Variants in TAOK2 observed in about 807,000 individuals in gnomAD.
TAOK2 encodes serine/threonine-protein kinase TAO2.
Under a neutral mutation model 122.5 loss-of-function variants are expected in TAOK2, and 42 were observed. That is an observed-to-expected ratio of 0.34 (90% confidence interval 0.27 to 0.44). TAOK2 has a LOEUF of 0.44. Among genes scored for constraint, TAOK2 ranks in the 20% least tolerant of loss-of-function variants. The pLI, the probability that TAOK2 is intolerant of heterozygous loss-of-function variation, is 1.00. For missense variants in TAOK2, 1,264 were observed against 1,644.9 expected (o/e 0.77, Z 4.01); for synonymous variants, 704 against 677.6 (o/e 1.04, Z -0.61).
At chr16:29,991,367 G>C, downstream of TAOK2, 4 of 1,588,924 alleles carry the variant, frequency 2.5e-6, no homozygotes, top group Non-Finnish European at 3.4e-6. The surrounding 1 kb of genome is among the most constrained non-coding windows in gnomAD (Gnocchi z 5.6). Context: ...ACTGGCTGGG[G>C]CCCCCCACAC....
chr16:29,982,035 A>G lies in TAOK2; in HGVS notation c.831+95A>G, dbSNP rs2069633784. On this transcript the variant is annotated intron_variant, in intron 10 of 15. Transcript: ENST00000308893. Reference sequence around the variant, plus strand: ...ATTAGTGGTTCCCAGTTCCTCCTCCACCAAGAGCTTCGTTGATGAATTCCC... The same window carrying G: ...ATTAGTGGTTCCCAGTTCCTCCTCCGCCAAGAGCTTCGTTGATGAATTCCC... 4.8e-6 allele frequency: 5 copies of G among 1,048,916 alleles called. No homozygotes were observed. The South Asian group carries it at 5.5e-5, about 11-fold the overall frequency. 65.0% of individuals were successfully genotyped at this position (1,048,916 alleles called of 1,614,324 possible).
chr16:29,989,365 C>T, downstream of TAOK2: 2 of 985,284 alleles, frequency 2.0e-6, no homozygotes, highest in Non-Finnish European at 2.4e-6. Flanking sequence ...TGATCTCTCT[C>T]AACACGATCC....
intron 8 of TAOK2, chr16:29,980,780 T>C (rs60421848): frequency 9.8e-4 from 149 of 152,332 alleles, no homozygotes; most frequent in African/African-American, 3.5e-3. Context: ...CAGAGAAATA[T>C]TACTCTACTA....
Position 29,985,489 on chromosome 16 carries a change from C to G in TAOK2, c.1699C>G (p.His567Asp). The change falls in exon 14 of 16, where the codon CAC becomes GAC. Residue 567 changes from histidine to aspartate, a missense_variant. His to Asp is a moderately conservative substitution (Grantham distance 81, BLOSUM62 -1). This residue lies in a region of TAOK2 where 824 missense variants were observed against 908.7 expected (regional missense o/e 0.91). Coordinates refer to ENST00000308893, the MANE Select transcript of TAOK2 (RefSeq NM_016151.4). The surrounding 1 kb of genome is among the most constrained non-coding windows in gnomAD (Gnocchi z 6.9). ...AQAEERKFQQ[H>D]ILGQQKKELA... ...GGCCGAGGAGCGGAAGTTCCAGCAG[C>G]ACATCCTTGGGCAGCAGAAGAAGGA... is the stretch of plus-strand genomic sequence containing the variant. 1 of 1,613,124 alleles carries G rather than the reference C, an allele frequency of 6.2e-7. No homozygotes were observed. The highest frequency in any genetic ancestry group is 8.5e-7 in the Non-Finnish European group (1 of 1,179,620).
Position 29,982,841 on chromosome 16 carries a change from G to A in TAOK2, c.939G>A (p.Lys313=), listed in dbSNP as rs1229774279. 1 of 1,613,982 alleles carries A rather than the reference G, an allele frequency of 6.2e-7. No homozygotes were observed. The highest frequency in any genetic ancestry group is 8.5e-7 in the Non-Finnish European group (1 of 1,180,004). Reference sequence around the variant, plus strand: ...ACAACCTGCAGTACCGCAAGATGAAGAAGATCCTGTTCCAAGAGGCACCCA... The same window carrying A: ...ACAACCTGCAGTACCGCAAGATGAAAAAGATCCTGTTCCAAGAGGCACCCA... ...ELDNLQYRKM[K]KILFQEAPNG... Residue 313 remains lysine (K), a synonymous_variant, in exon 11 of 16, where the codon AAG becomes AAA. Coordinates refer to ENST00000308893, the MANE Select transcript of TAOK2 (RefSeq NM_016151.4).
In TAOK2 at chr16:29,987,514, T is replaced by C; in HGVS notation, c.3242T>C (p.Ile1081Thr). Residue 1081 changes from isoleucine to threonine, a missense_variant, in exon 16 of 16, where the codon ATA becomes ACA. By Grantham distance (89) the Ile-to-Thr change is moderately conservative. Coordinates refer to ENST00000308893, the MANE Select transcript of TAOK2 (RefSeq NM_016151.4). Reference sequence around the variant, plus strand: ...CAGGGCCCCCGGGTGCGCCGGGGCATATCTCGACTCTGGTTGCGGGTTCTG... The same window carrying C: ...CAGGGCCCCCGGGTGCGCCGGGGCACATCTCGACTCTGGTTGCGGGTTCTG... Reference protein sequence around the residue: ...RQQGPRVRRGISRLWLRVLLR... With the variant: ...RQQGPRVRRGTSRLWLRVLLR... 2 of 1,608,100 alleles carry C rather than the reference T, an allele frequency of 1.2e-6. No individual in the cohort carries two copies.
rs760416360 is a variant in TAOK2, at chr16:29,987,948, C to T, written c.3676C>T (p.Arg1226Cys). ...TCTAGCCGGGCGGAGGTCACGCACC[C>T]GCCAGTCCCGGGCCCTGCCCCCCTG... The part of the protein sequence containing the change: ...GTLAGRRSRT[R>C]QSRALPPWR The change falls in exon 16 of 16, where the codon CGC becomes TGC. Residue 1226 changes from arginine (R) to cysteine (C), a missense_variant. Arg to Cys is a radical substitution (Grantham distance 180, BLOSUM62 -3). This residue lies in a region of TAOK2 where 824 missense variants were observed against 908.7 expected (regional missense o/e 0.91). Coordinates refer to ENST00000308893, the MANE Select transcript of TAOK2 (RefSeq NM_016151.4). 218 of 1,547,994 alleles carry T rather than the reference C, an allele frequency of 1.4e-4. No individual in the cohort carries two copies. The highest frequency in any genetic ancestry group is 4.7e-4 in the African/African-American group (35 of 74,098).
rs2069881855 is a variant in TAOK2 at position 29,988,345 on chromosome 16, C to A, written c.*365C>A. Reference sequence around the variant, plus strand: ...CTCCCTTCCAACCTGTCCCCTTCCCCCCACCAAAAAAAGAAAAAGACAAAC... The same window carrying A: ...CTCCCTTCCAACCTGTCCCCTTCCCACCACCAAAAAAAGAAAAAGACAAAC... On this transcript the variant is annotated 3_prime_UTR_variant, in exon 16 of 16. Coordinates refer to ENST00000308893, the MANE Select transcript of TAOK2 (RefSeq NM_016151.4). 1.4e-6 allele frequency: 2 copies of A among 1,387,576 alleles called. No individual in the cohort carries two copies. The highest frequency in any genetic ancestry group is 1.9e-6 in the Non-Finnish European group (2 of 1,053,026). The allele number at this position is 1,387,576 out of a possible 1,614,324, so 86.0% of individuals were successfully genotyped here.
In TAOK2 at chr16:29,986,659, T is replaced by C; in HGVS notation, c.2387T>C (p.Val796Ala). ...ATGCTTGGCGAGGAGGAGGAAGCAG[T>C]TGGAGAGAGAAGGATTCTGGGAAAG... ...QRMLGEEEEAVGERRILGKEG... is the reference protein window; with the variant it reads ...QRMLGEEEEAAGERRILGKEG... The change falls in exon 16 of 16, where the codon GTT becomes GCT. Residue 796 changes from valine to alanine, a missense_variant. By Grantham distance (64) the Val-to-Ala change is moderately conservative. This residue lies in a region of TAOK2 where 824 missense variants were observed against 908.7 expected (regional missense o/e 0.91). Coordinates refer to ENST00000308893, the MANE Select transcript of TAOK2 (RefSeq NM_016151.4). This position sits in a 1 kb window ranked among gnomAD's most constrained non-coding sequence, Gnocchi z 4.2. The C allele has an allele frequency of 6.2e-7, 1 of 1,612,066 alleles. No individual in the cohort carries two copies. The highest frequency in any genetic ancestry group is 8.5e-7 in the Non-Finnish European group (1 of 1,179,308).
intron 13 of TAOK2, 54 bp downstream of exon 13, chr16:29,983,718 T>C: frequency 1.9e-6 from 3 of 1,565,166 alleles, no homozygotes; most frequent in Non-Finnish European, 2.6e-6. Flanking sequence ...TTAAGTCTTT[T>C]TAAGTCTAGA....
At position 29,985,202 on chromosome 16, in the gene TAOK2, T is replaced by C. The variant is rs1402336720; in HGVS notation, c.1423-11T>C. 8.7e-6 allele frequency: 13 copies of C among 1,496,444 alleles called. No individual in the cohort carries two copies. Among genetic ancestry groups the C allele is most frequent in the Non-Finnish European group, 1.2e-5 (13 of 1,121,984 alleles). The allele number at this position is 1,496,444 out of a possible 1,614,324, so 92.7% of individuals were successfully genotyped here. ...GCTGAGCCCCAGCTCTCACCCTCTC[T>C]CCTTCCCCAGGTCAGCCGTCAGATC... On this transcript the variant is annotated splice_polypyrimidine_tract_variant and intron_variant, in intron 13 of 15. Transcript: ENST00000308893. This position sits in a 1 kb window ranked among gnomAD's most constrained non-coding sequence, Gnocchi z 6.9.
rs766629588 is a variant in TAOK2 at position 29,981,544 on chromosome 16, G to A, written c.656-117G>A. The A allele has an allele frequency of 6.8e-6, 6 of 886,888 alleles. No individual in the cohort carries two copies. In the South Asian group the frequency reaches 6.9e-5, roughly 10 times the overall value. 54.9% of individuals were successfully genotyped at this position (886,888 alleles called of 1,614,324 possible). Reference sequence around the variant, plus strand: ...AACAGGATGATGGGAACTTCTCAAGGTCATGTGGCAAGGAAGTCAAGGAAT... The same window carrying A: ...AACAGGATGATGGGAACTTCTCAAGATCATGTGGCAAGGAAGTCAAGGAAT... On this transcript the variant is annotated intron_variant, in intron 8 of 15. Coordinates refer to ENST00000308893, the MANE Select transcript of TAOK2 (RefSeq NM_016151.4).
downstream of TAOK2, chr16:29,989,940 C>G: frequency 1.3e-6 from 1 of 750,256 alleles, no homozygotes; most frequent in South Asian, 1.8e-5. Flanking sequence ...TCCCTCTGTT[C>G]GTGTTCTCCA....
Position 29,986,495 on chromosome 16 carries a change from G to C in TAOK2, c.2223G>C (p.Lys741Asn). 1 of 1,608,446 alleles carries C rather than the reference G, an allele frequency of 6.2e-7. No individual in the cohort carries two copies. Among genetic ancestry groups the C allele is most frequent in the Non-Finnish European group, 8.5e-7 (1 of 1,177,154 alleles). ...CGGCCCAGGTTCGCCAGCAGCCCAA[G>C]AGCCTCAAAGTACGTGCAGGCCAGC... Reference protein sequence around the residue: ...KHAAQVRQQPKSLKVRAGQRP... With the variant: ...KHAAQVRQQPNSLKVRAGQRP... The change falls in exon 16 of 16, where the codon AAG (lysine) becomes AAC (asparagine). Residue 741 changes from lysine to asparagine, a missense_variant. Around this residue, in one of 4 missense-constraint regions of TAOK2, gnomAD observed 824 missense variants for 908.7 expected, o/e 0.91. Transcript: ENST00000308893. The surrounding 1 kb of genome is among the most constrained non-coding windows in gnomAD (Gnocchi z 4.2).
rs576781794 is a variant in TAOK2 at position 29,977,705 on chromosome 16, T to G, written c.-35-33T>G. On this transcript the variant is annotated intron_variant, in intron 1 of 15. Transcript: ENST00000308893. ...CTTCCTCTCCCTGAAGGCTCAATCC[T>G]TGATCTCTAAGGGTCCCATTTCCAT... The G allele has an allele frequency of 3.5e-5, 56 of 1,583,298 alleles. 1 individual carries two copies. In the African/African-American group the frequency reaches 7.3e-4, roughly 21 times the overall value.
intron 1 of TAOK2, among the ~76,000 whole-genome samples, chr16:29,977,269 T>C (rs1041470938): frequency 6.6e-6 from 1 of 152,164 alleles, no homozygotes; most frequent in African/African-American, 2.4e-5. Context: ...CCTGGCCATT[T>C]CCTGTTCTCT....
In TAOK2 at chr16:29,986,459, G is replaced by T; in HGVS notation, c.2187G>T (p.Arg729=). Residue 729 remains arginine (R), a synonymous_variant, in exon 16 of 16, where the codon CGG becomes CGT. Transcript: ENST00000308893. The surrounding 1 kb of genome is among the most constrained non-coding windows in gnomAD (Gnocchi z 4.2). The part of the protein sequence containing the change: ...EYNKRREQEL[R]QKHAAQVRQQ... The stretch of plus-strand genomic sequence containing the variant: ...ACAAGCGGCGTGAGCAAGAGTTGCG[G>T]CAGAAGCATGCGGCCCAGGTTCGCC... 1 of 1,605,096 alleles carries T rather than the reference G, an allele frequency of 6.2e-7. No individual in the cohort carries two copies. The highest frequency in any genetic ancestry group is 8.5e-7 in the Non-Finnish European group (1 of 1,175,624).
intron 8 of TAOK2, chr16:29,981,442 T>C (rs2069611177): frequency 1.6e-6 from 1 of 615,658 alleles, no homozygotes; most frequent in Non-Finnish European, 2.9e-6. Context: ...TGTTATTTTC[T>C]TTGACCCCTA....
downstream of TAOK2, chr16:29,989,814 T>C: frequency 6.2e-7 from 1 of 1,612,612 alleles, no homozygotes; most frequent in South Asian, 1.1e-5. Context: ...CGGTGAGGCC[T>C]GGGGTCCAGG....
Sources: gnomAD v4.1 joint callset for allele counts (sites outside exome capture counted in the v4.1 genomes callset) on GRCh38, gnomAD v4.1.1 for gene constraint, gnomAD v4.1.1 regional missense constraint, Gnocchi (gnomAD v3.1) non-coding constraint, MANE v1.5 for transcripts, NCBI Gene and HGNC (gene_info 2026-07-23, HGNC 2026-07-21) for gene names.